Variants in AFF1 observed in about 807,000 individuals in gnomAD.
AFF1 encodes the protein AF4/FMR2 family member 1.
In AFF1, 48 loss-of-function variants were observed where a neutral mutation model predicts 121.7. That is an observed-to-expected ratio of 0.39 (90% CI 0.31 to 0.50). The LOEUF is 0.50. Among genes scored for constraint, AFF1 ranks in the 20% least tolerant of loss-of-function variants. The probability of loss-of-function intolerance (pLI) is 0.76; values close to 1 mark genes in which losing one functional copy is unlikely to be tolerated. For missense variants in AFF1, 1,523 were observed against 1,511.7 expected (o/e 1.01, Z -0.12); for synonymous variants, 613 against 563.0 (o/e 1.09, Z -1.26).
intron 2 of AFF1, among the ~76,000 whole-genome samples, chr4:86,949,360 C>T (rs1432068182): frequency 7.3e-5 from 11 of 150,292 alleles, no homozygotes; most frequent in African/African-American, 1.9e-4. Context: ...GGTGATCCCC[C>T]TGCCTCGGCC....
intron 2 of AFF1, among the ~76,000 whole-genome samples, chr4:86,956,024 C>CT (rs763668376): frequency 3.6e-4 from 55 of 152,178 alleles, no homozygotes; most frequent in Non-Finnish European, 1.3e-4. Flanking sequence ...TAGATGCTTA[C>CT]TAGAGAGTTT....
At chr4:86,961,406 C>G (rs895858883) in intron 2 of AFF1, among the ~76,000 whole-genome samples, 2 of 152,098 alleles carry the variant, frequency 1.3e-5, no homozygotes, top group Non-Finnish European at 2.9e-5. Context: ...TGGTTTAAAA[C>G]TCTGAGTTTT....
rs571652955 is a variant in AFF1, at chr4:87,060,712, G to A, written c.1059+13118G>A. 1.6e-3 allele frequency among the ~76,000 whole-genome samples: 241 copies of A among 151,902 alleles called. 3 individuals are homozygous for A. Among genetic ancestry groups the A allele is most frequent in the African/African-American group, 5.2e-3 (215 of 41,468 alleles). On this transcript the variant is annotated intron_variant, in intron 4 of 20. Transcript: ENST00000395146. ...AAATTAGCCAGGTATGGTGGCAGGCGCCTGTACTCCCGGCTTCTGGGGAGG... is the reference window on the plus strand; with the variant it reads ...AAATTAGCCAGGTATGGTGGCAGGCACCTGTACTCCCGGCTTCTGGGGAGG...
intron 12 of AFF1, 98 bp from the exon 13 acceptor site, chr4:87,124,939 G>A: frequency 1.0e-6 from 1 of 982,320 alleles, no homozygotes; most frequent in Admixed American, 2.9e-5. Flanking sequence ...TGTCTCCAAA[G>A]GTTCCTTTAC....
chr4:86,995,283 T>TCCCCCCCCCCCCCCC (rs1725038407), intron 2 of AFF1, among the ~76,000 whole-genome samples: 1 of 39,972 alleles, frequency 2.5e-5, no homozygotes, highest in African/African-American at 1.1e-4. Context: ...CCTCCCCCTC[T>TCCCCCCCCCCCCCCC]CCCTCCCCCT....
intron 2 of AFF1, among the ~76,000 whole-genome samples, chr4:87,039,896 A>ATATT (rs146123050): frequency 0.069 from 10,403 of 151,640 alleles, 771 homozygotes; most frequent in African/African-American, 0.18. Flanking sequence ...CACAGTTTTT[A>ATATT]TATTTATTTA....
intron 1 of AFF1, among the ~76,000 whole-genome samples, chr4:86,941,006 T>G (rs1720416806): frequency 6.6e-6 from 1 of 151,980 alleles, no homozygotes; most frequent in Non-Finnish European, 1.5e-5. Flanking sequence ...GAGAATCGCT[T>G]GAACCCTGGA....
At chr4:86,982,841 C>CTA (rs1479142911) in intron 2 of AFF1, among the ~76,000 whole-genome samples, 1 of 87,502 alleles carries the variant, frequency 1.1e-5, no homozygotes, top group Non-Finnish European at 2.1e-5. Flanking sequence ...GAGTAAGACT[C>CTA]TGTCTCCAAA....
chr4:87,080,327 T>C (rs376582907), intron 4 of AFF1, among the ~76,000 whole-genome samples: 105 of 152,238 alleles, frequency 6.9e-4, no homozygotes, highest in Non-Finnish European at 1.2e-3. Flanking sequence ...GCAACTATCA[T>C]AGAAATGTTT....
chr4:87,051,888 A>G (rs1731302821), intron 4 of AFF1, among the ~76,000 whole-genome samples: 1 of 152,156 alleles, frequency 6.6e-6, no homozygotes, highest in Non-Finnish European at 1.5e-5. Context: ...AATGGGGGGC[A>G]TTGATAATAT....
chr4:87,031,423 A>G (rs147308938), intron 2 of AFF1, among the ~76,000 whole-genome samples: 2 of 148,742 alleles, frequency 1.3e-5, no homozygotes, highest in East Asian at 3.9e-4. Context: ...AACCTCTACT[A>G]TCACTCTTAG....
intron 4 of AFF1, among the ~76,000 whole-genome samples, chr4:87,072,390 T>A (rs899916136): frequency 6.6e-6 from 1 of 150,872 alleles, no homozygotes; most frequent in African/African-American, 2.4e-5. Context: ...AAATTTAAAT[T>A]CAGAAGGCAT....
At chr4:87,110,481 GTTTT>G (rs1726374050) in intron 11 of AFF1, among the ~76,000 whole-genome samples, 1 of 97,848 alleles carries the variant, frequency 1.0e-5, no homozygotes, top group Non-Finnish European at 2.2e-5. Context: ...GTTTTGTTTT[GTTTT>G]GTTGGTACCG....
chr4:87,014,711 C>A (rs1727132857), intron 2 of AFF1, among the ~76,000 whole-genome samples: 1 of 152,144 alleles, frequency 6.6e-6, no homozygotes, highest in African/African-American at 2.4e-5. Flanking sequence ...TCAAGACAGA[C>A]CCAAGATTAT....
chr4:87,131,226 G>GC lies in AFF1; in HGVS notation c.3101+9dup. 1 of 1,613,756 alleles carries GC rather than the reference G, an allele frequency of 6.2e-7. No homozygotes were observed. The highest frequency in any genetic ancestry group is 8.5e-7 in the Non-Finnish European group (1 of 1,179,900). On this transcript the variant is annotated splice_region_variant and intron_variant, in intron 17 of 20. Coordinates refer to ENST00000395146, the MANE Select transcript of AFF1 (RefSeq NM_001166693.3). ...AAACTGTAGATCTCATTAAGTAAGT[G>GC]CCGAGTCATTGTGCTTTCCTCTTAA...
chr4:87,083,021 A>G (rs1468852665), intron 4 of AFF1, among the ~76,000 whole-genome samples: 1 of 152,228 alleles, frequency 6.6e-6, no homozygotes, highest in African/African-American at 2.4e-5. Flanking sequence ...CATATGTTGT[A>G]TAGTACTTGC....
chr4:86,986,489 CAG>C (rs1179295113), intron 2 of AFF1, among the ~76,000 whole-genome samples: 1 of 152,030 alleles, frequency 6.6e-6, no homozygotes, highest in African/African-American at 2.4e-5. Flanking sequence ...AAAATTTAGA[CAG>C]AAATCTGATC....
intron 8 of AFF1, among the ~76,000 whole-genome samples, chr4:87,102,813 G>C (rs1214266120): frequency 6.6e-6 from 1 of 152,152 alleles, no homozygotes. Context: ...AAGAGATTTG[G>C]ATTCTCTTGT....
At chr4:87,016,930 A>T (rs1727354915) in intron 2 of AFF1, among the ~76,000 whole-genome samples, 1 of 152,168 alleles carries the variant, frequency 6.6e-6, no homozygotes, top group African/African-American at 2.4e-5. Context: ...TCTGTGGTGT[A>T]CCATGTATCA....
Sources: allele counts gnomAD v4.1 joint callset (sites outside exome capture counted in the v4.1 genomes callset), GRCh38; gene constraint gnomAD v4.1.1; transcripts MANE v1.5; gene names NCBI Gene and HGNC (gene_info 2026-07-23, HGNC 2026-07-21).